Variants in SDCCAG8 observed in about 807,000 individuals in gnomAD.
The protein encoded by SDCCAG8 is serologically defined colon cancer antigen 8.
A neutral mutation model predicts 101.8 loss-of-function variants in SDCCAG8; 74 were observed. That is an observed-to-expected ratio of 0.73 (90% CI 0.60 to 0.88). The LOEUF (loss-of-function observed/expected upper bound fraction) is 0.88, where lower values mean the gene tolerates loss of function less well. SDCCAG8 is among the 40% of genes least tolerant of loss of function. The probability of loss-of-function intolerance (pLI) is 0.00; values close to 1 mark genes in which losing one functional copy is unlikely to be tolerated. For synonymous variants in SDCCAG8, 281 were observed against 292.9 expected, an observed-to-expected ratio of 0.96 and a Z score of 0.41; for missense variants, 787 against 822.6, an observed-to-expected ratio of 0.96 and a Z score of 0.53.
chr1:243,492,295 C>CT (rs33950392), intron 17 of SDCCAG8, among the ~76,000 whole-genome samples: 25,232 of 62,238 alleles, frequency 0.41, 9,519 homozygotes, highest in African/African-American at 0.6. Context: ...CGTTTCTTGG[C>CT]TTTTTTTTTT....
chr1:243,392,116 G>A (rs920942841), intron 13 of SDCCAG8, among the ~76,000 whole-genome samples: 6 of 152,280 alleles, frequency 3.9e-5, no homozygotes, highest in African/African-American at 1.2e-4. Flanking sequence ...ATATATATGA[G>A]TATGCAAAAT....
chr1:243,379,066 C>T (rs1558383365), intron 13 of SDCCAG8, among the ~76,000 whole-genome samples: 1 of 152,170 alleles, frequency 6.6e-6, no homozygotes. Context: ...TGATAGATTA[C>T]AAAACCTTTC....
At chr1:243,422,341 T>C (rs1437546556) in intron 15 of SDCCAG8, among the ~76,000 whole-genome samples, 2 of 152,230 alleles carry the variant, frequency 1.3e-5, no homozygotes, top group Non-Finnish European at 2.9e-5. Context: ...AAGATTTGAA[T>C]TCTAATCTGT....
At chr1:243,464,658 A>G (rs1659777917) in intron 16 of SDCCAG8, among the ~76,000 whole-genome samples, 1 of 152,260 alleles carries the variant, frequency 6.6e-6, no homozygotes, top group Non-Finnish European at 1.5e-5. Context: ...AAAAATCTCA[A>G]GCCTTCGCAG....
chr1:243,327,964 G>A (rs1244589513), intron 9 of SDCCAG8, among the ~76,000 whole-genome samples: 2 of 151,718 alleles, frequency 1.3e-5, no homozygotes, highest in African/African-American at 4.8e-5. Flanking sequence ...GTGCAGTGGT[G>A]CGATCTCAGC....
chr1:243,286,364 G>C lies in SDCCAG8; in HGVS notation c.513G>C (p.Glu171Asp), dbSNP rs2069616128. 1 of 1,613,896 alleles carries C rather than the reference G, an allele frequency of 6.2e-7. No homozygotes were observed. Among genetic ancestry groups the C allele is most frequent in the African/African-American group, 1.3e-5 (1 of 74,928 alleles). The change falls in exon 5 of 18, where the codon GAG (glutamate) becomes GAC (aspartate). Residue 171 changes from glutamate (E) to aspartate (D), a missense_variant. Glu to Asp is a conservative substitution (Grantham distance 45, BLOSUM62 2). Transcript: ENST00000366541. ...QQQLKSQRQE[E>D]TLREQTLLDA... ...AGCTAAAATCTCAAAGACAAGAGGA[G>C]ACACTGAGGGAACAAACACTTCTGG... is the stretch of plus-strand genomic sequence containing the variant.
intron 16 of SDCCAG8, among the ~76,000 whole-genome samples, chr1:243,484,907 G>A (rs1664477194): frequency 6.6e-6 from 1 of 152,132 alleles, no homozygotes; most frequent in South Asian, 2.1e-4. Context: ...AGACAGGTGT[G>A]GTGGTGCGCG....
At chr1:243,312,664 C>T (rs1475760200) in intron 8 of SDCCAG8, among the ~76,000 whole-genome samples, 1 of 151,048 alleles carries the variant, frequency 6.6e-6, no homozygotes, top group African/African-American at 2.4e-5. Flanking sequence ...CAAGATTGCG[C>T]CACTGCACTT....
intron 7 of SDCCAG8, chr1:243,307,706 A>T: frequency 7.5e-7 from 1 of 1,329,916 alleles, no homozygotes. Flanking sequence ...GGATCCTGGG[A>T]CAAGAGAGCC....
At chr1:243,330,825 C>T (rs959980858) in intron 10 of SDCCAG8, 133 bp downstream of exon 10, 15 of 807,076 alleles carry the variant, frequency 1.9e-5, no homozygotes, top group South Asian at 8.6e-5. Flanking sequence ...AGTTAAATTT[C>T]GTATAATTTA....
intron 16 of SDCCAG8, among the ~76,000 whole-genome samples, chr1:243,466,999 G>C (rs1660283455): frequency 6.6e-6 from 1 of 152,196 alleles, no homozygotes; most frequent in Non-Finnish European, 1.5e-5. Flanking sequence ...GCTTCCTCAT[G>C]CTGCATTCCA....
intron 16 of SDCCAG8, chr1:243,476,201 C>G: frequency 2.0e-6 from 2 of 985,490 alleles, no homozygotes; most frequent in Non-Finnish European, 2.4e-6. Context: ...CCGTGGCAAC[C>G]AGCAGATGGG....
intron 16 of SDCCAG8, among the ~76,000 whole-genome samples, chr1:243,479,101 C>T (rs1663000358): frequency 6.6e-6 from 1 of 152,094 alleles, no homozygotes; most frequent in South Asian, 2.1e-4. Context: ...AATGCCGCAG[C>T]AATGGTTAAG....
At chr1:243,375,029 A>T (rs1261838319) in intron 12 of SDCCAG8, among the ~76,000 whole-genome samples, 1 of 152,174 alleles carries the variant, frequency 6.6e-6, no homozygotes, top group African/African-American at 2.4e-5. Context: ...AAACAAGATA[A>T]TGCTTGTCTC....
chr1:243,349,832 C>CTTT (rs563873668), intron 12 of SDCCAG8, among the ~76,000 whole-genome samples: 7 of 140,888 alleles, frequency 5.0e-5, no homozygotes, highest in African/African-American at 1.6e-4. Flanking sequence ...AAGCGTCTTT[C>CTTT]TTTTTTTTTT....
At chr1:243,402,772 A>T (rs2079495312) in intron 13 of SDCCAG8, among the ~76,000 whole-genome samples, 1 of 152,224 alleles carries the variant, frequency 6.6e-6, no homozygotes, top group South Asian at 2.1e-4. Context: ...AAAAATGGGA[A>T]CCATTTTATT....
At position 243,330,586 on chromosome 1, in the gene SDCCAG8, C is replaced by T. The variant is rs74701277; in HGVS notation, c.1115C>T (p.Ala372Val). Residue 372 changes from alanine (A) to valine (V), a missense_variant, in exon 10 of 18, where the codon GCG becomes GTG. Transcript: ENST00000366541. ...DQLRKELERQ[A>V]ERLEKELASQ... Reference sequence around the variant, plus strand: ...TTGAGGAAGGAGCTGGAGAGGCAGGCGGAGCGACTTGAAAAAGAACTTGCA... The same window carrying T: ...TTGAGGAAGGAGCTGGAGAGGCAGGTGGAGCGACTTGAAAAAGAACTTGCA... 3.9e-5 allele frequency: 62 copies of T among 1,572,180 alleles called. No individual in the cohort carries two copies. The highest frequency in any genetic ancestry group is 2.7e-4 in the African/African-American group (20 of 73,462).
rs2066636162 is a variant in SDCCAG8 at position 243,256,137 on chromosome 1, CCCACGT to C, written c.-36_-31del. The C allele has an allele frequency of 6.3e-7, 1 of 1,588,958 alleles. No homozygotes were observed. The highest frequency in any genetic ancestry group is 1.3e-5 in the African/African-American group (1 of 74,442). Reference sequence around the variant, plus strand: ...CGGAAGGGAGAAAGCTGGACATTTCCCCACGTAACTCCCAGCTCTGGGCCTAGAGTG... The same window carrying C: ...CGGAAGGGAGAAAGCTGGACATTTCCAACTCCCAGCTCTGGGCCTAGAGTG... On this transcript the variant is annotated 5_prime_UTR_variant, in exon 1 of 18. Coordinates refer to ENST00000366541, the MANE Select transcript of SDCCAG8 (RefSeq NM_006642.5).
At chr1:243,494,815 C>T (rs1667397819) in intron 17 of SDCCAG8, among the ~76,000 whole-genome samples, 1 of 152,200 alleles carries the variant, frequency 6.6e-6, no homozygotes, top group African/African-American at 2.4e-5. Flanking sequence ...ATATTTTAAT[C>T]CAATTAGACA....
Sources: allele counts gnomAD v4.1 joint callset (sites outside exome capture counted in the v4.1 genomes callset), GRCh38; gene constraint gnomAD v4.1.1; transcripts MANE v1.5; gene names NCBI Gene and HGNC (gene_info 2026-07-23, HGNC 2026-07-21).